The following FAM184A variants were observed in gnomAD, a reference collection of about 807,000 sequenced individuals.
FAM184A encodes the protein family with sequence similarity 184 member A.
A neutral mutation model predicts 143.8 loss-of-function variants in FAM184A; 99 were observed. The observed-to-expected ratio is 0.69, with a 90% CI of 0.58 to 0.81. The LOEUF (loss-of-function observed/expected upper bound fraction) is 0.81, where lower values mean the gene tolerates loss of function less well. Ranked by LOEUF, FAM184A falls within the 40% of genes least tolerant of loss-of-function variation. The pLI is 0.00. For synonymous variants in FAM184A, 427 were observed against 446.4 expected (o/e 0.96, Z 0.55); for missense variants, 1,217 against 1,310.5 (o/e 0.93, Z 1.10).
At chr6:119,083,905 A>T (rs1055407022) in intron 1 of FAM184A, among the ~76,000 whole-genome samples, 2 of 151,992 alleles carry the variant, frequency 1.3e-5, no homozygotes, top group African/African-American at 4.8e-5. Flanking sequence ...CCCAGTACCA[A>T]TTTTTTGTAT....
chr6:118,967,591 G>C (rs1328108280), intron 14 of FAM184A, among the ~76,000 whole-genome samples: 2 of 152,102 alleles, frequency 1.3e-5, no homozygotes, highest in Non-Finnish European at 2.9e-5. Flanking sequence ...GTGGTAATAG[G>C]CCTGAATGCC....
Position 118,989,253 on chromosome 6 carries a change from C to T in FAM184A, c.2089-8903G>A, listed in dbSNP as rs189870247. On this transcript the variant is annotated intron_variant, in intron 9 of 17. Transcript: ENST00000338891. ...TTGGGATTACAGGCGTGAGCCACCGCGCCCAGCCTGGACATGATTTTAAGT... is the reference window on the plus strand; with the variant it reads ...TTGGGATTACAGGCGTGAGCCACCGTGCCCAGCCTGGACATGATTTTAAGT... Among the ~76,000 whole-genome samples the T allele has an allele frequency of 5.8e-3, 876 of 151,650 alleles. 26 individuals carry two copies. The highest frequency in any genetic ancestry group is 0.011 in the East Asian group (54 of 5,096).
At chr6:119,071,172 A>G (rs1787672634) in intron 1 of FAM184A, among the ~76,000 whole-genome samples, 1 of 152,210 alleles carries the variant, frequency 6.6e-6, no homozygotes, top group Admixed American at 6.5e-5. Flanking sequence ...TTTATCTTTC[A>G]TAACACTTTT....
intron 1 of FAM184A, among the ~76,000 whole-genome samples, chr6:119,141,637 C>T (rs1007807208): frequency 9.9e-5 from 15 of 152,054 alleles, no homozygotes; most frequent in Non-Finnish European, 1.9e-4. Context: ...CCACCATGCC[C>T]GGCTAGTTTT....
chr6:119,014,788 G>A (rs555692742), intron 5 of FAM184A, among the ~76,000 whole-genome samples: 1 of 152,310 alleles, frequency 6.6e-6, no homozygotes, highest in South Asian at 2.1e-4. Flanking sequence ...GCTGAGTGCG[G>A]TAGCTCACAC....
At chr6:119,114,625 G>A (rs184979792) in intron 1 of FAM184A, among the ~76,000 whole-genome samples, 1 of 151,482 alleles carries the variant, frequency 6.6e-6, no homozygotes, top group South Asian at 2.1e-4. Context: ...CACTGCAACC[G>A]CCACCTCCTG....
chr6:119,099,427 A>T (rs1788586878), intron 1 of FAM184A, among the ~76,000 whole-genome samples: 1 of 152,072 alleles, frequency 6.6e-6, no homozygotes, highest in African/African-American at 2.4e-5. Context: ...GAAACTAAAG[A>T]TTTTCCTTTA....
rs1346325278 is a variant in FAM184A at position 119,008,077 on chromosome 6, T to C, written c.1654-1469A>G. Among the ~76,000 whole-genome samples, 5 of 152,246 alleles carry C rather than the reference T, an allele frequency of 3.3e-5. No individual in the cohort carries two copies. The East Asian group carries it at 9.6e-4, about 29-fold the overall frequency. ...TTCTGCAAAGTTAAATGTAATAAAA[T>C]ATAAAAAGCAAATAAGTGTTGAACA... On this transcript the variant is annotated intron_variant, in intron 6 of 17. Coordinates refer to ENST00000338891, the MANE Select transcript of FAM184A (RefSeq NM_024581.6).
At chr6:119,128,888 T>C (rs566139337) in intron 1 of FAM184A, among the ~76,000 whole-genome samples, 1 of 4,790 alleles carries the variant, frequency 2.1e-4, no homozygotes, top group East Asian at 4.2e-3. Flanking sequence ...CCCTTACTAG[T>C]TTTTTTTTTT....
chr6:119,144,174 A>C (rs1451998079), intron 1 of FAM184A, among the ~76,000 whole-genome samples: 13 of 149,764 alleles, frequency 8.7e-5, no homozygotes, highest in South Asian at 2.1e-4. Flanking sequence ...AAAAATACAA[A>C]AAAAAAAAAA....
intron 1 of FAM184A, among the ~76,000 whole-genome samples, chr6:119,109,512 T>C (rs34101251): frequency 0.01 from 1,543 of 152,298 alleles, 7 homozygotes; most frequent in Non-Finnish European, 0.016. Context: ...CAGATGTTGG[T>C]AAATGTTCAT....
At chr6:119,073,293 GGAACT>G (rs1300981730) in intron 1 of FAM184A, among the ~76,000 whole-genome samples, 1 of 152,114 alleles carries the variant, frequency 6.6e-6, no homozygotes, top group African/African-American at 2.4e-5. Flanking sequence ...CTGCTGTTTG[GGAACT>G]TACACTGTAC....
At chr6:119,085,989 T>TGCCCTCATGATCCAATC (rs887032623) in intron 1 of FAM184A, among the ~76,000 whole-genome samples, 40 of 152,276 alleles carry the variant, frequency 2.6e-4, no homozygotes, top group Non-Finnish European at 1.9e-4. Context: ...ATGAGAACTT[T>TGCCCTCATGATCCAATC]GCCCTCATGA....
rs753412019 is a variant in FAM184A at position 119,024,309 on chromosome 6, G to C, written c.664C>G (p.Leu222Val). 2 of 1,614,058 alleles carry C rather than the reference G, an allele frequency of 1.2e-6. No individual in the cohort carries two copies. Among genetic ancestry groups the C allele is most frequent in the African/African-American group, 2.7e-5 (2 of 74,922 alleles). ...VNKGQEKAEELHRMEVESLNK... is the reference protein window; with the variant it reads ...VNKGQEKAEEVHRMEVESLNK... Reference sequence around the variant, plus strand: ...AGGGACTCCACCTCCATTCTGTGTAGTTCCTCTGCCTTTTCCTGGCCTTTA... The same window carrying C: ...AGGGACTCCACCTCCATTCTGTGTACTTCCTCTGCCTTTTCCTGGCCTTTA... The change falls in exon 2 of 18, where the codon CTA becomes GTA. Residue 222 changes from leucine (L) to valine (V), a missense_variant. Coordinates refer to ENST00000338891, the MANE Select transcript of FAM184A (RefSeq NM_024581.6).
intron 10 of FAM184A, 80 bp from the exon 11 acceptor site, chr6:118,979,598 C>A: frequency 9.4e-7 from 1 of 1,062,482 alleles, no homozygotes; most frequent in East Asian, 2.7e-5. Flanking sequence ...GTTACTAAAA[C>A]TCAGTTATTA....
chr6:119,096,816 C>G (rs1335838905), intron 1 of FAM184A, among the ~76,000 whole-genome samples: 1 of 152,104 alleles, frequency 6.6e-6, no homozygotes, highest in African/African-American at 2.4e-5. Flanking sequence ...CTTCCCCACC[C>G]CCACTCCTCC....
chr6:118,970,008 A>ATATATATATATATTTT lies in FAM184A; in HGVS notation c.2916-3057_2916-3056insAAAATATATATATATA. On this transcript the variant is annotated intron_variant, in intron 14 of 17. Transcript: ENST00000338891. ...ATATATATATAATATATATATATAT[A>ATATATATATATATTTT]TTTTTTTTTTTTTGAGATGGAGTTT... is the stretch of plus-strand genomic sequence containing the variant. 2.1e-4 allele frequency among the ~76,000 whole-genome samples: 4 copies of ATATATATATATATTTT among 19,046 alleles called. 1 individual carries two copies. Among genetic ancestry groups the ATATATATATATATTTT allele is most frequent in the East Asian group, 6.1e-3 (2 of 330 alleles). The allele number at this position is 19,046 out of a possible 152,430, so 12.5% of individuals were successfully genotyped here.
chr6:119,146,461 C>T (rs1226463672), intron 1 of FAM184A, among the ~76,000 whole-genome samples: 5 of 150,708 alleles, frequency 3.3e-5, no homozygotes, highest in East Asian at 1.9e-4. Context: ...GACAGAGGCT[C>T]GCTATGTTAC....
At position 119,002,886 on chromosome 6, in the gene FAM184A, C is replaced by G. The variant is rs1277685586; in HGVS notation, c.2088+13G>C. 1 of 1,600,584 alleles carries G rather than the reference C, an allele frequency of 6.2e-7. No individual in the cohort carries two copies. The highest frequency in any genetic ancestry group is 2.2e-5 in the East Asian group (1 of 44,592). On this transcript the variant is annotated intron_variant, in intron 9 of 17. Transcript: ENST00000338891. ...GGGAGATGAAACTTCATCATGTACA[C>G]ATTATTAATTACCTGGTTTAAGAGA...
Sources: allele counts gnomAD v4.1 joint callset (sites outside exome capture counted in the v4.1 genomes callset), GRCh38; gene constraint gnomAD v4.1.1; transcripts MANE v1.5; gene names NCBI Gene and HGNC (gene_info 2026-07-23, HGNC 2026-07-21).